The following FRMD4A variants were observed in gnomAD, a reference collection of about 807,000 sequenced individuals.
FRMD4A encodes FERM domain containing 4A, also known as FERM domain-containing protein 4A.
A neutral mutation model predicts 129.1 loss-of-function variants in FRMD4A; 29 were observed. The ratio of observed to expected loss-of-function variants is 0.22; its 90% CI spans 0.17 to 0.31. The LOEUF (loss-of-function observed/expected upper bound fraction) is 0.31, where lower values mean the gene tolerates loss of function less well. Among genes scored for constraint, FRMD4A ranks in the 10% least tolerant of loss-of-function variants. The pLI is 1.00. For missense variants in FRMD4A, 1,272 were observed against 1,375.8 expected (o/e 0.92, Z 1.19); for synonymous variants, 634 against 571.6 (o/e 1.11, Z -1.56).
intron 2 of FRMD4A, among the ~76,000 whole-genome samples, chr10:14,180,703 G>A (rs1158843589): frequency 2.0e-5 from 3 of 152,184 alleles, no homozygotes; most frequent in African/African-American, 7.2e-5. Context: ...CTAAACTGTG[G>A]AGCAGAGCTG....
At chr10:14,010,664 CTTTTT>C (rs779471389) in intron 2 of FRMD4A, among the ~76,000 whole-genome samples, 11 of 76,420 alleles carry the variant, frequency 1.4e-4, no homozygotes, top group East Asian at 6.4e-4. Context: ...GAGTTTAGGT[CTTTTT>C]TTTTTTTTTT....
intron 6 of FRMD4A, among the ~76,000 whole-genome samples, chr10:13,768,063 C>A (rs954876972): frequency 1.4e-5 from 2 of 147,092 alleles, no homozygotes; most frequent in African/African-American, 5.0e-5. Context: ...AAAGACGAAC[C>A]GTGACCGTCT....
At chr10:13,719,607 G>A (rs2089228508) in intron 12 of FRMD4A, among the ~76,000 whole-genome samples, 1 of 152,168 alleles carries the variant, frequency 6.6e-6, no homozygotes, top group African/African-American at 2.4e-5. Context: ...CGGAAGGTCA[G>A]TTCAGCCTGG....
intron 2 of FRMD4A, among the ~76,000 whole-genome samples, chr10:13,891,903 G>A (rs992713048): frequency 2.7e-5 from 4 of 146,592 alleles, no homozygotes; most frequent in African/African-American, 9.8e-5. Context: ...CCCGCCGCAT[G>A]GTGCGCCCAG....
chr10:13,709,743 G>T (rs1429426664), intron 12 of FRMD4A, among the ~76,000 whole-genome samples: 1 of 152,192 alleles, frequency 6.6e-6, no homozygotes, highest in Non-Finnish European at 1.5e-5. Context: ...GGCCTTCTGG[G>T]TGTGCGACCT....
chr10:14,234,347 A>T (rs1843731349), intron 2 of FRMD4A, among the ~76,000 whole-genome samples: 2 of 152,198 alleles, frequency 1.3e-5, no homozygotes, highest in South Asian at 4.1e-4. Context: ...TGACCAAAAC[A>T]TCAGAGACCA....
intron 2 of FRMD4A, among the ~76,000 whole-genome samples, chr10:14,142,378 T>C (rs1016163610): frequency 1.3e-5 from 2 of 152,204 alleles, no homozygotes; most frequent in Admixed American, 1.3e-4. Context: ...TTTGATCTAG[T>C]AAAATGCTGA....
chr10:13,664,583 C>T (rs1564551848), intron 18 of FRMD4A, among the ~76,000 whole-genome samples: 1 of 152,138 alleles, frequency 6.6e-6, no homozygotes, highest in South Asian at 2.1e-4. Flanking sequence ...TTGGAATCTT[C>T]AGCACATCAC....
chr10:14,290,014 A>C (rs1845802325), intron 2 of FRMD4A, among the ~76,000 whole-genome samples: 1 of 152,102 alleles, frequency 6.6e-6, no homozygotes, highest in Non-Finnish European at 1.5e-5. Context: ...TAATTACATC[A>C]AATCAAATAA....
chr10:14,288,359 C>T (rs149162723), intron 2 of FRMD4A, among the ~76,000 whole-genome samples: 2,982 of 152,126 alleles, frequency 0.02, 85 homozygotes, highest in Non-Finnish European at 0.021. Context: ...GGGAAGGAGA[C>T]AAAGGTTTGC....
At chr10:14,133,150 G>T (rs1839351627) in intron 2 of FRMD4A, among the ~76,000 whole-genome samples, 1 of 152,192 alleles carries the variant, frequency 6.6e-6, no homozygotes, top group Non-Finnish European at 1.5e-5. Context: ...AGCACATGAT[G>T]AGGTGAATGA....
chr10:14,107,254 C>A (rs1334695145), intron 2 of FRMD4A, among the ~76,000 whole-genome samples: 2 of 152,124 alleles, frequency 1.3e-5, no homozygotes, highest in African/African-American at 2.4e-5. Context: ...GGGTACTATG[C>A]TCACTATCTG....
chr10:13,873,943 T>A (rs2094464383), intron 2 of FRMD4A, among the ~76,000 whole-genome samples: 1 of 151,758 alleles, frequency 6.6e-6, no homozygotes, highest in Non-Finnish European at 1.5e-5. Context: ...AATGGAAATA[T>A]TGTTTGAAGC....
At chr10:13,657,757 C>G (rs1388732388) in intron 21 of FRMD4A, among the ~76,000 whole-genome samples, 1 of 149,688 alleles carries the variant, frequency 6.7e-6, no homozygotes, top group Non-Finnish European at 1.5e-5. Context: ...GGGACTGAAG[C>G]TAGGACTCAC....
At chr10:14,049,739 C>A (rs116902184) in intron 2 of FRMD4A, among the ~76,000 whole-genome samples, 763 of 152,252 alleles carry the variant, frequency 5.0e-3, no homozygotes, top group Non-Finnish European at 7.9e-3. Flanking sequence ...CCTAGAATCG[C>A]AGCTACCTGG....
chr10:13,676,856 C>T (rs1024496553), intron 15 of FRMD4A, among the ~76,000 whole-genome samples: 1 of 152,110 alleles, frequency 6.6e-6, no homozygotes, highest in Non-Finnish European at 1.5e-5. Flanking sequence ...CCCAGTAAAA[C>T]CTTGGCAGGA....
At chr10:13,925,495 G>C (rs1298915233) in intron 2 of FRMD4A, among the ~76,000 whole-genome samples, 1 of 136,610 alleles carries the variant, frequency 7.3e-6, no homozygotes, top group Non-Finnish European at 1.5e-5. Flanking sequence ...TTTAGTTTCT[G>C]TTCCTTCTTT....
intron 2 of FRMD4A, among the ~76,000 whole-genome samples, chr10:14,014,998 T>G (rs2095693904): frequency 7.3e-6 from 1 of 136,690 alleles, no homozygotes; most frequent in Non-Finnish European, 1.6e-5. Context: ...CTTTCTTATC[T>G]CCTTCCTTCC....
intron 2 of FRMD4A, among the ~76,000 whole-genome samples, chr10:13,895,975 T>C (rs2094753576): frequency 6.6e-6 from 1 of 152,186 alleles, no homozygotes; most frequent in Admixed American, 6.5e-5. Flanking sequence ...TGAGATGCCA[T>C]CTCATGCCAG....
Sources: gnomAD v4.1 joint callset for allele counts (sites outside exome capture counted in the v4.1 genomes callset) on GRCh38, gnomAD v4.1.1 for gene constraint, MANE v1.5 for transcripts, NCBI Gene and HGNC (gene_info 2026-07-23, HGNC 2026-07-21) for gene names.